Variants in NKAIN3 observed in about 807,000 individuals in gnomAD.
NKAIN3 encodes sodium/potassium transporting ATPase interacting 3, also known as sodium/potassium-transporting ATPase subunit beta-1-interacting protein 3.
Under a neutral mutation model 30.2 loss-of-function variants are expected in NKAIN3, and 25 were observed. The observed-to-expected ratio is 0.83, with a 90% CI of 0.60 to 1.16. The LOEUF is 1.16. Among genes scored for constraint, NKAIN3 ranks in the 50% most tolerant of loss-of-function variants. The pLI is 0.00. For synonymous variants in NKAIN3, 91 were observed against 89.6 expected (o/e 1.02, Z -0.09); for missense variants, 225 against 254.1 (o/e 0.89, Z 0.78).
chr8:62,838,241 A>T (rs1022864871), intron 4 of NKAIN3, among the ~76,000 whole-genome samples: 2 of 151,792 alleles, frequency 1.3e-5, no homozygotes, highest in Non-Finnish European at 1.5e-5. Context: ...ATATTAACTC[A>T]TGTTTAATTA....
chr8:62,810,482 G>T (rs1251690810), intron 4 of NKAIN3, among the ~76,000 whole-genome samples: 2 of 151,818 alleles, frequency 1.3e-5, no homozygotes, highest in African/African-American at 4.8e-5. Context: ...AGACTCCATG[G>T]GCTTCAGTTT....
intron 3 of NKAIN3, among the ~76,000 whole-genome samples, chr8:62,702,022 T>G (rs1904574): frequency 0.86 from 130,865 of 152,182 alleles, 56,426 homozygotes; most frequent in Admixed American, 0.89. Flanking sequence ...GCGCTTGTGT[T>G]CGCGTTATGT....
At chr8:62,451,983 T>A (rs907902163) in intron 1 of NKAIN3, among the ~76,000 whole-genome samples, 10 of 152,150 alleles carry the variant, frequency 6.6e-5, no homozygotes, top group Non-Finnish European at 1.2e-4. Context: ...TATCAATAGG[T>A]AGTTGTAAAT....
intron 3 of NKAIN3, among the ~76,000 whole-genome samples, chr8:62,652,314 G>T (rs1426497131): frequency 2.6e-5 from 4 of 152,072 alleles, no homozygotes; most frequent in African/African-American, 4.8e-5. Context: ...ATAACTTTTG[G>T]CCTTTAATAT....
At chr8:62,809,519 C>A (rs547600306) in intron 4 of NKAIN3, among the ~76,000 whole-genome samples, 1 of 152,284 alleles carries the variant, frequency 6.6e-6, no homozygotes, top group East Asian at 1.9e-4. Context: ...TTTGGGGTCC[C>A]TGACTTCCCT....
chr8:62,926,665 C>T (rs10097611), intron 5 of NKAIN3, among the ~76,000 whole-genome samples: 36,144 of 152,070 alleles, frequency 0.24, 4,732 homozygotes, highest in African/African-American at 0.34. Flanking sequence ...ATGTGACCGC[C>T]GGCGGCTTTT....
At chr8:62,788,224 G>A (rs900947573) in intron 4 of NKAIN3, among the ~76,000 whole-genome samples, 11 of 152,160 alleles carry the variant, frequency 7.2e-5, no homozygotes, top group African/African-American at 2.2e-4. Flanking sequence ...TTTAATGATC[G>A]CCATTCTAAC....
At chr8:62,564,466 T>A (rs1037775803) in intron 1 of NKAIN3, among the ~76,000 whole-genome samples, 6 of 152,168 alleles carry the variant, frequency 3.9e-5, no homozygotes, top group Non-Finnish European at 5.9e-5. Flanking sequence ...AAGAAATAAA[T>A]CCTTTAATGG....
intron 3 of NKAIN3, among the ~76,000 whole-genome samples, chr8:62,721,507 G>C (rs1815092296): frequency 6.6e-6 from 1 of 152,148 alleles, no homozygotes; most frequent in South Asian, 2.1e-4. Context: ...ACTATGATTA[G>C]AACACCAGCC....
intron 1 of NKAIN3, among the ~76,000 whole-genome samples, chr8:62,573,834 A>G (rs942200325): frequency 1.3e-5 from 2 of 152,170 alleles, no homozygotes; most frequent in Non-Finnish European, 2.9e-5. Flanking sequence ...TCACATCAAG[A>G]TAAATGGGGT....
intron 1 of NKAIN3, among the ~76,000 whole-genome samples, chr8:62,338,219 A>G (rs1267709253): frequency 6.6e-6 from 1 of 151,988 alleles, no homozygotes; most frequent in African/African-American, 2.4e-5. Context: ...AAAGTTTATA[A>G]TTTTTCTCGT....
intron 1 of NKAIN3, among the ~76,000 whole-genome samples, chr8:62,452,965 C>A (rs1738721894): frequency 6.6e-6 from 1 of 152,040 alleles, no homozygotes; most frequent in South Asian, 2.1e-4. Context: ...ATAAGGTAGA[C>A]CCAAATTAAG....
intron 1 of NKAIN3, among the ~76,000 whole-genome samples, chr8:62,252,529 GCTGT>G (rs1190510010): frequency 6.6e-6 from 1 of 152,072 alleles, no homozygotes; most frequent in Non-Finnish European, 1.5e-5. Context: ...CACTGCTCTG[GCTGT>G]CTTTCATCAT....
At chr8:62,720,526 G>T (rs185134819) in intron 3 of NKAIN3, among the ~76,000 whole-genome samples, 1 of 152,050 alleles carries the variant, frequency 6.6e-6, no homozygotes, top group South Asian at 2.1e-4. Context: ...GCATGGATCC[G>T]ACCCATGGAT....
At chr8:62,705,931 A>G (rs1814505667) in intron 3 of NKAIN3, among the ~76,000 whole-genome samples, 2 of 151,860 alleles carry the variant, frequency 1.3e-5, no homozygotes, top group Admixed American at 6.6e-5. Flanking sequence ...GGTTTTTCTC[A>G]TCTTTGACTT....
At chr8:62,676,020 T>C (rs777428106) in intron 3 of NKAIN3, among the ~76,000 whole-genome samples, 41 of 152,222 alleles carry the variant, frequency 2.7e-4, no homozygotes, top group Non-Finnish European at 4.4e-4. Flanking sequence ...GAGCAGCTTT[T>C]CCATAACATT....
chr8:62,725,416 C>T (rs942640631), intron 3 of NKAIN3, among the ~76,000 whole-genome samples: 3 of 152,030 alleles, frequency 2.0e-5, no homozygotes, highest in Non-Finnish European at 4.4e-5. Flanking sequence ...GTTGCCTGTG[C>T]TTGTAGGGTA....
chr8:62,576,057 C>T (rs1000720410), intron 1 of NKAIN3, among the ~76,000 whole-genome samples: 7 of 151,912 alleles, frequency 4.6e-5, no homozygotes, highest in Non-Finnish European at 7.4e-5. Flanking sequence ...TTGGACTGGG[C>T]GGATTTCTTT....
rs143181523 is a variant in NKAIN3, at chr8:62,972,870, C to A, written c.*7463C>A. Among the ~76,000 whole-genome samples, 2 of 149,550 alleles carry A rather than the reference C, an allele frequency of 1.3e-5. No individual in the cohort carries two copies. The highest frequency in any genetic ancestry group is 5.0e-5 in the African/African-American group (2 of 40,022). On this transcript the variant is annotated 3_prime_UTR_variant, in exon 7 of 7. Coordinates refer to ENST00000623646, the MANE Select transcript of NKAIN3 (RefSeq NM_001304533.3). ...GCCCTGGTGTGTGATGTTCCCCTCC[C>A]TGTGCCCATATGTTCTCATTGTTCA...
Sources: gnomAD v4.1 joint callset for allele counts (sites outside exome capture counted in the v4.1 genomes callset) on GRCh38, gnomAD v4.1.1 for gene constraint, MANE v1.5 for transcripts, NCBI Gene and HGNC (gene_info 2026-07-23, HGNC 2026-07-21) for gene names.